The following HERC1 variants were observed in gnomAD, a reference collection of about 807,000 sequenced individuals.
HERC1 encodes the protein HECT and RLD domain containing E3 ubiquitin protein ligase family member 1.
HERC1 carries 160 observed loss-of-function variants against 554.3 expected under a neutral mutation model. That is an observed-to-expected ratio of 0.29 (90% CI 0.25 to 0.33). The LOEUF is 0.33. HERC1 is among the 10% of genes least tolerant of loss of function. The pLI is 1.00. For missense variants in HERC1, 4,919 were observed against 5,918.5 expected (o/e 0.83, Z 5.54); for synonymous variants, 2,175 against 2,131.7 (o/e 1.02, Z -0.56).
intron 74 of HERC1, 118 bp downstream of exon 74, chr15:63,622,697 G>A: frequency 3.0e-6 from 2 of 665,092 alleles, no homozygotes; most frequent in Non-Finnish European, 4.9e-6. Flanking sequence ...AATGAGGACT[G>A]AAGGGGATAA....
At chr15:63,669,948 G>A (rs1402495893) in intron 39 of HERC1, among the ~76,000 whole-genome samples, 1 of 152,108 alleles carries the variant, frequency 6.6e-6, no homozygotes, top group Non-Finnish European at 1.5e-5. Context: ...GGGGAATACA[G>A]CCATTAGCAA....
chr15:63,709,922 TG>T (rs1238724889), intron 24 of HERC1, among the ~76,000 whole-genome samples: 1 of 152,202 alleles, frequency 6.6e-6, no homozygotes, highest in Admixed American at 6.5e-5. Context: ...GAAAGCTTTC[TG>T]GAAGAGGTAA....
At chr15:63,624,499 C>G (rs928808815) in intron 71 of HERC1, among the ~76,000 whole-genome samples, 172 bp from the exon 72 acceptor site, 2 of 152,158 alleles carry the variant, frequency 1.3e-5, no homozygotes, top group Admixed American at 6.5e-5. Flanking sequence ...GAGTTCAAGA[C>G]TAGCCTGGGT....
chr15:63,650,574 C>T (rs183759883), intron 53 of HERC1, among the ~76,000 whole-genome samples: 44 of 152,144 alleles, frequency 2.9e-4, no homozygotes, highest in East Asian at 2.3e-3. Context: ...TATGTCACCA[C>T]GCCTGGCTGT....
rs978623996 is a variant in HERC1 at position 63,727,052 on chromosome 15, C to T, written c.3346+595G>A. 3.3e-5 allele frequency among the ~76,000 whole-genome samples: 5 copies of T among 151,718 alleles called. No individual in the cohort carries two copies. Among genetic ancestry groups the T allele is most frequent in the Admixed American group, 3.3e-4 (5 of 15,214 alleles). ...CAGCATTTTGGGAGGCTGAGGTGGG[C>T]GGATCACAAGGTCAGGAGTTCAAGA... On this transcript the variant is annotated intron_variant, in intron 17 of 77. Transcript: ENST00000443617. This position sits in a 1 kb window ranked among gnomAD's most constrained non-coding sequence, Gnocchi z 4.3.
chr15:63,635,668 G>A (rs1261196463), intron 65 of HERC1, among the ~76,000 whole-genome samples: 5 of 152,282 alleles, frequency 3.3e-5, no homozygotes, highest in South Asian at 2.1e-4. Flanking sequence ...TGTGGCAGAA[G>A]TTAAACCACA....
intron 2 of HERC1, among the ~76,000 whole-genome samples, chr15:63,767,710 A>C (rs2075826725): frequency 6.6e-6 from 1 of 152,136 alleles, no homozygotes; most frequent in Non-Finnish European, 1.5e-5. Flanking sequence ...AAAACAAAAC[A>C]AAACAGCAAA....
In HERC1 at chr15:63,821,726, C is replaced by CAAAAAAAAAAAAAA. The variant is rs35074987; in HGVS notation, c.-27+12087_-27+12100dup. Among the ~76,000 whole-genome samples the CAAAAAAAAAAAAAA allele has an allele frequency of 1.8e-4, 11 of 62,470 alleles. No homozygotes were observed. The East Asian group carries it at 1.9e-3, about 11-fold the overall frequency. The allele number at this position is 62,470 out of a possible 152,430, so 41.0% of individuals were successfully genotyped here. On this transcript the variant is annotated intron_variant, in intron 1 of 77. Coordinates refer to ENST00000443617, the MANE Select transcript of HERC1 (RefSeq NM_003922.4). Reference sequence around the variant, plus strand: ...TGGGAGACAGAGTGATACCCTGTCTCAAAAAAAAAAAAAAAAAAAAAAAAT... The same window carrying CAAAAAAAAAAAAAA: ...TGGGAGACAGAGTGATACCCTGTCTCAAAAAAAAAAAAAAAAAAAAAAAAAAAAAAAAAAAAAAT...
intron 66 of HERC1, among the ~76,000 whole-genome samples, 158 bp from the exon 67 acceptor site, chr15:63,634,128 G>A (rs1478409986): frequency 2.0e-5 from 3 of 152,174 alleles, no homozygotes; most frequent in Non-Finnish European, 4.4e-5. Flanking sequence ...ACCAAAGTAA[G>A]TCAACAAGAA....
At chr15:63,793,030 G>A (rs958962522) in intron 1 of HERC1, among the ~76,000 whole-genome samples, 1 of 152,218 alleles carries the variant, frequency 6.6e-6, no homozygotes, top group African/African-American at 2.4e-5. Flanking sequence ...ATTACAAAGG[G>A]TATCAATGAA....
chr15:63,684,924 G>T (rs545021867), intron 34 of HERC1, among the ~76,000 whole-genome samples: 1 of 152,164 alleles, frequency 6.6e-6, no homozygotes, highest in African/African-American at 2.4e-5. Context: ...CAGGAGAATC[G>T]CTTGAACCCA....
At position 63,656,404 on chromosome 15, in the gene HERC1, T is replaced by C. The variant is rs764355046; in HGVS notation, c.9600-46A>G. 24 of 1,549,390 alleles carry C rather than the reference T, an allele frequency of 1.5e-5. No homozygotes were observed. The African/African-American group carries it at 3.3e-4, about 21-fold the overall frequency. On this transcript the variant is annotated intron_variant, in intron 48 of 77. Transcript: ENST00000443617. ...CTCAGATGGATAAAGAAAATGGATT[T>C]CTTAAGGGACCATTTGCAGTCCCAC...
chr15:63,826,387 T>C (rs571422031), intron 1 of HERC1, among the ~76,000 whole-genome samples: 1 of 152,302 alleles, frequency 6.6e-6, no homozygotes, highest in Non-Finnish European at 1.5e-5. Flanking sequence ...CTGGTCCAAA[T>C]AACTACCATA....
intron 25 of HERC1, 139 bp from the exon 26 acceptor site, chr15:63,699,135 G>C: frequency 1.4e-6 from 1 of 693,962 alleles, no homozygotes; most frequent in Non-Finnish European, 2.4e-6. Context: ...CATGCATTAA[G>C]TGAATCTGAG....
intron 61 of HERC1, among the ~76,000 whole-genome samples, chr15:63,639,864 A>C (rs187139908): frequency 3.4e-4 from 52 of 152,344 alleles, no homozygotes; most frequent in Admixed American, 3.1e-3. Flanking sequence ...CAACTAAAGC[A>C]CTAACAAAGT....
At chr15:63,768,170 T>C (rs1365367035) in intron 2 of HERC1, among the ~76,000 whole-genome samples, 1 of 152,268 alleles carries the variant, frequency 6.6e-6, no homozygotes, top group Admixed American at 6.5e-5. Flanking sequence ...TTTCTCTTAT[T>C]GCTGGGTCAT....
intron 34 of HERC1, among the ~76,000 whole-genome samples, chr15:63,681,164 A>C (rs919686211): frequency 6.6e-6 from 1 of 151,198 alleles, no homozygotes; most frequent in African/African-American, 2.4e-5. Flanking sequence ...ATTAAGCCTG[A>C]GACTAGGTGT....
chr15:63,642,526 T>C (rs905823446), intron 59 of HERC1, among the ~76,000 whole-genome samples: 3 of 152,074 alleles, frequency 2.0e-5, no homozygotes, highest in African/African-American at 7.2e-5. Flanking sequence ...TTAGTAGAGA[T>C]GGGGTTTCAC....
intron 25 of HERC1, 88 bp downstream of exon 25, chr15:63,706,692 C>A: frequency 2.8e-6 from 2 of 718,620 alleles, no homozygotes; most frequent in Admixed American, 3.2e-5. Flanking sequence ...ATAAAAACAG[C>A]TTCTTAATTT....
Sources: gnomAD v4.1 joint callset for allele counts (sites outside exome capture counted in the v4.1 genomes callset) on GRCh38, gnomAD v4.1.1 for gene constraint, Gnocchi (gnomAD v3.1) non-coding constraint, MANE v1.5 for transcripts, NCBI Gene and HGNC (gene_info 2026-07-23, HGNC 2026-07-21) for gene names.